OSBPL10: variants seen among roughly 807,000 people sequenced by gnomAD.
OSBPL10 encodes oxysterol-binding protein-related protein 10.
In OSBPL10, 49 loss-of-function variants were observed where a neutral mutation model predicts 81.7. That is an observed-to-expected ratio of 0.60 (90% CI 0.48 to 0.76). The LOEUF (loss-of-function observed/expected upper bound fraction) is 0.76. OSBPL10 is among the 30% of genes least tolerant of loss of function. OSBPL10 has a pLI of 0.00. For missense variants in OSBPL10, 923 were observed against 987.8 expected, an observed-to-expected ratio of 0.93 and a Z score of 0.88; for synonymous variants, 419 against 383.6, an observed-to-expected ratio of 1.09 and a Z score of -1.08.
chr3:32,072,715 TC>T (rs1699840540), intron 1 of OSBPL10, among the ~76,000 whole-genome samples: 1 of 152,102 alleles, frequency 6.6e-6, no homozygotes, highest in Non-Finnish European at 1.5e-5. Flanking sequence ...GGATTCACCC[TC>T]GCCCAGGAGT....
In OSBPL10 at chr3:31,780,288, G is replaced by A. The variant is rs1025532437; in HGVS notation, c.730-32168C>T. On this transcript the variant is annotated intron_variant, in intron 4 of 11. Coordinates refer to ENST00000396556, the MANE Select transcript of OSBPL10 (RefSeq NM_017784.5). ...AGCCTGGGTGACAGAGCAAGACTCC[G>A]TCAAAAAAAAAGAACAATAATAGTA... is the stretch of plus-strand genomic sequence containing the variant. Among the ~76,000 whole-genome samples the A allele has an allele frequency of 3.7e-4, 56 of 151,644 alleles. 1 individual carries two copies. Among genetic ancestry groups the A allele is most frequent in the African/African-American group, 6.5e-4 (27 of 41,386 alleles).
intron 2 of OSBPL10, among the ~76,000 whole-genome samples, chr3:32,041,322 A>C (rs1283511512): frequency 2.6e-5 from 4 of 152,234 alleles, no homozygotes; most frequent in African/African-American, 9.6e-5. Flanking sequence ...TTGTGGCTTC[A>C]GATATGGTAC....
intron 5 of OSBPL10, among the ~76,000 whole-genome samples, chr3:31,741,334 G>A (rs546731537): frequency 2.0e-5 from 3 of 152,248 alleles, no homozygotes; most frequent in African/African-American, 7.2e-5. Context: ...GCACAATCTC[G>A]GCTCACTGCA....
intron 1 of OSBPL10, among the ~76,000 whole-genome samples, chr3:31,952,009 A>G (rs1344271706): frequency 6.6e-6 from 1 of 152,220 alleles, no homozygotes; most frequent in Non-Finnish European, 1.5e-5. Flanking sequence ...TGTGCCTTCC[A>G]TGAGTGGTGG....
chr3:31,664,335 A>T, intron 10 of OSBPL10, 103 bp from the exon 11 acceptor site: 1 of 1,245,932 alleles, frequency 8.0e-7, no homozygotes. Context: ...CCGCCAGGCA[A>T]GCCCCCTCTG....
chr3:31,844,459 ATTCAT>A (rs1360047221), intron 3 of OSBPL10, among the ~76,000 whole-genome samples: 9 of 152,266 alleles, frequency 5.9e-5, no homozygotes, highest in Non-Finnish European at 1.3e-4. Context: ...ACAATGGAAT[ATTCAT>A]CCATAAAAAG....
chr3:31,903,871 G>A (rs370838080), intron 1 of OSBPL10, among the ~76,000 whole-genome samples: 134 of 152,212 alleles, frequency 8.8e-4, no homozygotes, highest in African/African-American at 3.1e-3. Flanking sequence ...TGCGGGGATG[G>A]GAGGGAAACA....
chr3:31,721,121 C>G (rs910615239), intron 6 of OSBPL10, among the ~76,000 whole-genome samples: 3 of 152,006 alleles, frequency 2.0e-5, no homozygotes, highest in Non-Finnish European at 4.4e-5. Context: ...GAAGCAGGGT[C>G]AATGCTGTTG....
chr3:31,674,017 C>T (rs1254114917), intron 8 of OSBPL10, among the ~76,000 whole-genome samples: 1 of 152,136 alleles, frequency 6.6e-6, no homozygotes, highest in Non-Finnish European at 1.5e-5. Flanking sequence ...AACTCTTGGG[C>T]TCAAGTGATC....
intron 1 of OSBPL10, among the ~76,000 whole-genome samples, chr3:31,979,112 G>C (rs1311415680): frequency 2.6e-5 from 4 of 152,146 alleles, no homozygotes; most frequent in African/African-American, 9.7e-5. Flanking sequence ...AAGGCACCTT[G>C]AGTTGCCATT....
At chr3:31,712,798 C>T (rs1575493417) in intron 6 of OSBPL10, among the ~76,000 whole-genome samples, 1 of 152,268 alleles carries the variant, frequency 6.6e-6, no homozygotes, top group Non-Finnish European at 1.5e-5. Flanking sequence ...CTCAGACTTA[C>T]TGTGTCTAAA....
chr3:31,742,264 A>T (rs1697374917), intron 5 of OSBPL10, among the ~76,000 whole-genome samples: 1 of 152,220 alleles, frequency 6.6e-6, no homozygotes, highest in African/African-American at 2.4e-5. Flanking sequence ...CGCAAAAGGA[A>T]GAAGGCAAAC....
At chr3:31,705,726 C>G (rs1696043182) in intron 6 of OSBPL10, among the ~76,000 whole-genome samples, 1 of 152,208 alleles carries the variant, frequency 6.6e-6, no homozygotes, top group African/African-American at 2.4e-5. Flanking sequence ...CCTTCTCTCA[C>G]AAAGTCCTAC....
rs6794680 is a variant in OSBPL10 at position 32,000,995 on chromosome 3, G to T, written n.298+45496C>A. 8.8e-3 allele frequency among the ~76,000 whole-genome samples: 1,342 copies of T among 152,276 alleles called. 15 individuals carry two copies. Among genetic ancestry groups the T allele is most frequent in the African/African-American group, 0.03 (1,266 of 41,558 alleles). On this transcript the variant is annotated intron_variant and non_coding_transcript_variant, in intron 2 of 3. Transcript: ENST00000479173. ...TGGGGAAGGGGACTTGGAGCTGTTAGCAGCCATGTTCCTGGCTGTGTGGAC... is the reference window on the plus strand; with the variant it reads ...TGGGGAAGGGGACTTGGAGCTGTTATCAGCCATGTTCCTGGCTGTGTGGAC...
intron 4 of OSBPL10, among the ~76,000 whole-genome samples, chr3:31,817,198 C>G (rs1179859613): frequency 6.6e-6 from 1 of 152,212 alleles, no homozygotes; most frequent in South Asian, 2.1e-4. Flanking sequence ...CAGCCCGGCC[C>G]TCAGCCTTCA....
chr3:32,016,868 A>G (rs553671314), intron 2 of OSBPL10, among the ~76,000 whole-genome samples: 1 of 152,340 alleles, frequency 6.6e-6, no homozygotes, highest in Admixed American at 6.5e-5. Flanking sequence ...TCTGCATATG[A>G]GTATTCTGAA....
chr3:31,708,531 G>T (rs1180293706), intron 6 of OSBPL10, among the ~76,000 whole-genome samples: 1 of 152,164 alleles, frequency 6.6e-6, no homozygotes, highest in Admixed American at 6.5e-5. Context: ...TATAAAGACG[G>T]CCAGCAATCC....
Position 31,875,632 on chromosome 3 carries a change from G to A in OSBPL10, c.537+801C>T, listed in dbSNP as rs566873926. Among the ~76,000 whole-genome samples, 13 of 151,650 alleles carry A rather than the reference G, an allele frequency of 8.6e-5. No individual in the cohort carries two copies. In the East Asian group the frequency reaches 1.7e-3, roughly 20 times the overall value. Reference sequence around the variant, plus strand: ...AGGCAGAACAGCCAGGTGTATCTAAGTAAGACATTTCACATGGCCCTGACC... The same window carrying A: ...AGGCAGAACAGCCAGGTGTATCTAAATAAGACATTTCACATGGCCCTGACC... On this transcript the variant is annotated intron_variant, in intron 3 of 11. Transcript: ENST00000396556.
chr3:31,864,002 G>A (rs1701117530), intron 3 of OSBPL10, among the ~76,000 whole-genome samples: 1 of 152,156 alleles, frequency 6.6e-6, no homozygotes, highest in South Asian at 2.1e-4. Flanking sequence ...GCTGAGTATT[G>A]AACATGCACT....
Sources: gnomAD v4.1 joint callset for allele counts (sites outside exome capture counted in the v4.1 genomes callset) on GRCh38, gnomAD v4.1.1 for gene constraint, MANE v1.5 for transcripts, NCBI Gene and HGNC (gene_info 2026-07-23, HGNC 2026-07-21) for gene names.